VPS8: variants seen among roughly 807,000 people sequenced by gnomAD.
The protein encoded by VPS8 is vacuolar protein sorting-associated protein 8 homolog.
VPS8 carries 129 observed loss-of-function variants against 216.4 expected under a neutral mutation model. That is an observed-to-expected ratio of 0.60 (90% CI 0.52 to 0.69). VPS8 has a LOEUF of 0.69. Ranked by LOEUF, VPS8 falls within the 30% of genes least tolerant of loss-of-function variation. The probability of loss-of-function intolerance (pLI) is 0.00; values close to 1 mark genes in which losing one functional copy is unlikely to be tolerated. For synonymous variants in VPS8, 571 were observed against 565.4 expected, an observed-to-expected ratio of 1.01 and a Z score of -0.14; for missense variants, 1,531 against 1,683.5, an observed-to-expected ratio of 0.91 and a Z score of 1.59.
At chr3:184,881,607 G>A (rs766967713) in intron 21 of VPS8, among the ~76,000 whole-genome samples, 1 of 151,926 alleles carries the variant, frequency 6.6e-6, no homozygotes, top group African/African-American at 2.4e-5. Context: ...TATGAAAATT[G>A]CTTCAACTAT....
intron 13 of VPS8, among the ~76,000 whole-genome samples, chr3:184,855,057 C>T (rs1724993826): frequency 6.6e-6 from 1 of 152,126 alleles, no homozygotes. Flanking sequence ...GATGGCAAAA[C>T]TGGCTTAGAT....
chr3:184,812,643 C>G (rs1393360949), intron 1 of VPS8: 1 of 152,248 alleles, frequency 6.6e-6, no homozygotes, highest in Non-Finnish European at 1.5e-5. Context: ...CCTCAGTTCC[C>G]TATCTACTTT....
intron 36 of VPS8, among the ~76,000 whole-genome samples, chr3:184,954,982 G>C (rs1006460345): frequency 4.3e-4 from 66 of 152,302 alleles, no homozygotes; most frequent in African/African-American, 1.5e-3. Flanking sequence ...ATTGTGAGAA[G>C]TGACCTAGAA....
chr3:184,976,867 A>G (rs1412592903), intron 40 of VPS8, among the ~76,000 whole-genome samples: 1 of 152,066 alleles, frequency 6.6e-6, no homozygotes, highest in Non-Finnish European at 1.5e-5. Flanking sequence ...TCCACTGTTG[A>G]TGGGCACTTT....
intron 45 of VPS8, among the ~76,000 whole-genome samples, chr3:185,006,253 G>A (rs1323770494): frequency 1.3e-5 from 2 of 152,138 alleles, no homozygotes; most frequent in Non-Finnish European, 2.9e-5. Flanking sequence ...GAAGGAAGAG[G>A]ATATGAAATT....
intron 46 of VPS8, among the ~76,000 whole-genome samples, chr3:185,042,186 A>C (rs753572239): frequency 6.6e-6 from 1 of 152,152 alleles, no homozygotes; most frequent in Non-Finnish European, 1.5e-5. Flanking sequence ...CTTAAAAGAG[A>C]GCCCCTACTC....
chr3:184,823,119 A>G (rs2108499751), intron 1 of VPS8, among the ~76,000 whole-genome samples: 1 of 152,362 alleles, frequency 6.6e-6, no homozygotes, highest in South Asian at 2.1e-4. Flanking sequence ...AAGTGAATTA[A>G]TTATAGGTAC....
At chr3:184,918,781 C>T (rs1212614256) in intron 28 of VPS8, among the ~76,000 whole-genome samples, 1 of 152,158 alleles carries the variant, frequency 6.6e-6, no homozygotes, top group Admixed American at 6.5e-5. Flanking sequence ...TGCAGAGTAT[C>T]ATCTCACTTT....
At position 184,913,551 on chromosome 3, in the gene VPS8, G is replaced by T; in HGVS notation, c.2179G>T (p.Val727Leu). 6.3e-7 allele frequency: 1 copy of T among 1,580,506 alleles called. No homozygotes were observed. The highest frequency in any genetic ancestry group is 8.6e-7 in the Non-Finnish European group (1 of 1,162,546). The change falls in exon 26 of 48, where the codon GTA becomes TTA. Residue 727 changes from valine to leucine, a missense_variant. Physicochemically the swap from Val to Leu is conservative, Grantham distance 32. Coordinates refer to ENST00000625842, the MANE Select transcript of VPS8 (RefSeq NM_001009921.3). ...EQVVMGNKLL[V>L]YISCCLAGRA... ...AGTTGTTATGGGCAATAAGCTCCTT[G>T]TATATATTAGGTAAGATTGTTTTAT...
At chr3:184,932,331 G>C (rs1317477287) in intron 34 of VPS8, among the ~76,000 whole-genome samples, 1 of 151,974 alleles carries the variant, frequency 6.6e-6, no homozygotes, top group Non-Finnish European at 1.5e-5. Context: ...TAAAGTTTCA[G>C]GGATATACAG....
chr3:184,887,098 T>C lies in VPS8; in HGVS notation c.1781+942T>C, dbSNP rs942641788. Reference sequence around the variant, plus strand: ...TGGCTTACCCCTGTGATCCCAGCACTGTGGGAGGCCGAGGTGGGAGGATTC... The same window carrying C: ...TGGCTTACCCCTGTGATCCCAGCACCGTGGGAGGCCGAGGTGGGAGGATTC... On this transcript the variant is annotated intron_variant, in intron 22 of 47. Transcript: ENST00000625842. Among the ~76,000 whole-genome samples, 3 of 152,206 alleles carry C rather than the reference T, an allele frequency of 2.0e-5. No homozygotes were observed. The South Asian group carries it at 6.2e-4, about 32-fold the overall frequency.
chr3:184,954,261 T>C (rs1745203295), intron 36 of VPS8, among the ~76,000 whole-genome samples: 1 of 152,204 alleles, frequency 6.6e-6, no homozygotes, highest in African/African-American at 2.4e-5. Context: ...TGTTCAGTGA[T>C]CCAGAAACTC....
At chr3:185,026,438 G>A (rs111346797) in intron 46 of VPS8, among the ~76,000 whole-genome samples, 256 of 140,436 alleles carry the variant, frequency 1.8e-3, no homozygotes, top group Middle Eastern at 7.1e-3. Context: ...TTGAGATGGA[G>A]TTTCCCTCTG....
At chr3:184,913,595 GTTC>G in intron 26 of VPS8, 34 bp downstream of exon 26, 1 of 1,501,564 alleles carries the variant, frequency 6.7e-7, no homozygotes, top group Admixed American at 2.1e-5. Flanking sequence ...CTGCATGTAT[GTTC>G]TTTCTATATT....
At position 184,940,216 on chromosome 3, in the gene VPS8, A is replaced by T. The variant is rs1487911828; in HGVS notation, c.3008A>T (p.Lys1003Ile). Residue 1003 changes from lysine (K) to isoleucine (I), a missense_variant, in exon 36 of 48, where the codon AAA becomes ATA. By Grantham distance (102) the Lys-to-Ile change is moderately radical (BLOSUM62 -3). Transcript: ENST00000625842. Reference protein sequence around the residue: ...KKLQNQVLLFKFLRSLLDPRE... With the variant: ...KKLQNQVLLFIFLRSLLDPRE... ...GTTCAGAACCAGGTTTTGCTTTTCA[A>T]ATTTTTGAGGAGTCTTCTTGACCCA... 2 of 1,491,122 alleles carry T rather than the reference A, an allele frequency of 1.3e-6. No individual in the cohort carries two copies. Among genetic ancestry groups the T allele is most frequent in the Admixed American group, 4.0e-5 (2 of 50,334 alleles). 92.4% of individuals were successfully genotyped at this position (1,491,122 alleles called of 1,614,324 possible). A position where few individuals can be genotyped will look rare whatever the true frequency, so the allele number is the denominator to read the frequency against.
chr3:184,957,156 A>G (rs572163909), intron 36 of VPS8, among the ~76,000 whole-genome samples: 13 of 152,372 alleles, frequency 8.5e-5, no homozygotes, highest in African/African-American at 2.9e-4. Context: ...TAATTATTCA[A>G]CATAACCTGA....
At position 184,832,740 on chromosome 3, in the gene VPS8, A is replaced by G. The variant is rs1720267608; in HGVS notation, c.274A>G (p.Ile92Val). The change falls in exon 4 of 48, where the codon ATT (isoleucine) becomes GTT (valine). Residue 92 changes from isoleucine to valine, a missense_variant. Physicochemically the swap from Ile to Val is conservative, Grantham distance 29. Around this residue, in one of 3 missense-constraint regions of VPS8, gnomAD observed 199 missense variants for 182.2 expected, o/e 1.09. Coordinates refer to ENST00000625842, the MANE Select transcript of VPS8 (RefSeq NM_001009921.3). ...FILEDPTLLN[I>V]DTIDSHSYDT... The stretch of plus-strand genomic sequence containing the variant: ...TCTTGAGGATCCTACATTGTTAAAC[A>G]TTGATACTATTGATTCTCACTCCTA... 2 of 1,608,122 alleles carry G rather than the reference A, an allele frequency of 1.2e-6. No homozygotes were observed. The highest frequency in any genetic ancestry group is 8.5e-7 in the Non-Finnish European group (1 of 1,176,598).
At chr3:185,030,485 TCTC>T (rs1442548235) in intron 46 of VPS8, among the ~76,000 whole-genome samples, 1 of 152,146 alleles carries the variant, frequency 6.6e-6, no homozygotes, top group Non-Finnish European at 1.5e-5. Flanking sequence ...CCACAGCTGT[TCTC>T]CTCAAAGTAA....
intron 46 of VPS8, 66 bp from the exon 47 acceptor site, chr3:185,048,413 G>A: frequency 6.8e-7 from 1 of 1,480,774 alleles, no homozygotes; most frequent in Middle Eastern, 1.7e-4. Flanking sequence ...TCAGCATCGT[G>A]TAGAGCAAGT....
Sources: gnomAD v4.1 joint callset for allele counts (sites outside exome capture counted in the v4.1 genomes callset) on GRCh38, gnomAD v4.1.1 for gene constraint, gnomAD v4.1.1 regional missense constraint, MANE v1.5 for transcripts, NCBI Gene and HGNC (gene_info 2026-07-23, HGNC 2026-07-21) for gene names.